AHNAK: variants seen among roughly 807,000 people sequenced by gnomAD.
The protein encoded by AHNAK is neuroblast differentiation-associated protein AHNAK.
AHNAK carries 23 observed loss-of-function variants against 37.8 expected under a neutral mutation model. That is an observed-to-expected ratio of 0.61 (90% CI 0.44 to 0.86). The LOEUF is 0.86. Among genes scored for constraint, AHNAK ranks in the 40% least tolerant of loss-of-function variants. The probability of loss-of-function intolerance (pLI) is 0.00; values close to 1 mark genes in which losing one functional copy is unlikely to be tolerated. For missense variants in AHNAK, 7,411 were observed against 7,319.4 expected, an observed-to-expected ratio of 1.01 and a Z score of -0.46; for synonymous variants, 2,481 against 2,636.3, an observed-to-expected ratio of 0.94 and a Z score of 1.80.
rs149723566 is a variant in AHNAK at position 62,483,180 on chromosome 11, C to T, written c.442+8552G>A. On this transcript the variant is annotated intron_variant, in intron 5 of 5. Coordinates refer to the AHNAK transcript ENST00000257247. ...AAGGCCCAGGGCCCAAGGGACGCTACGTGGCAACAGCATCGGGGTAGGGTG... is the reference window on the plus strand; with the variant it reads ...AAGGCCCAGGGCCCAAGGGACGCTATGTGGCAACAGCATCGGGGTAGGGTG... 3.3e-4 allele frequency among the ~76,000 whole-genome samples: 51 copies of T among 152,306 alleles called. No individual in the cohort carries two copies. In the East Asian group the frequency reaches 6.8e-3, roughly 20 times the overall value.
chr11:62,454,091 A>G (rs1246011357), intron 5 of AHNAK, among the ~76,000 whole-genome samples: 1 of 144,796 alleles, frequency 6.9e-6, no homozygotes, highest in East Asian at 2.0e-4. Flanking sequence ...TGGGCAACAG[A>G]GCGAATCTCT....
At chr11:62,478,244 C>T (rs1053349306) in intron 5 of AHNAK, among the ~76,000 whole-genome samples, 1 of 152,182 alleles carries the variant, frequency 6.6e-6, no homozygotes, top group Non-Finnish European at 1.5e-5. Flanking sequence ...AGCTAGGGCC[C>T]AGGGGCTAAG....
At position 62,490,186 on chromosome 11, in the gene AHNAK, C is replaced by CTTTTCT. The variant is rs1336344580; in HGVS notation, c.442+1540_442+1545dup. On this transcript the variant is annotated intron_variant, in intron 5 of 5. Transcript: ENST00000257247. ...TTCGGGCTTGAGGGAGGCTTTCTTT[C>CTTTTCT]TTTTCTTTTTCTTTTTTTTTTTTTT... is the stretch of plus-strand genomic sequence containing the variant. Among the ~76,000 whole-genome samples the CTTTTCT allele has an allele frequency of 8.6e-4, 123 of 142,260 alleles. 1 individual carries two copies. The highest frequency in any genetic ancestry group is 2.8e-3 in the African/African-American group (108 of 38,698). The allele number at this position is 142,260 out of a possible 152,430, so 93.3% of individuals were successfully genotyped here.
chr11:62,529,244 A>C lies in AHNAK; in HGVS notation c.5173T>G (p.Phe1725Val), dbSNP rs758756116. 1 of 1,614,204 alleles carries C rather than the reference A, an allele frequency of 6.2e-7. No individual in the cohort carries two copies. Among genetic ancestry groups the C allele is most frequent in the East Asian group, 2.2e-5 (1 of 44,886 alleles). Residue 1725 changes from phenylalanine to valine, a missense_variant, in exon 5 of 5, where the codon TTC becomes GTC. By Grantham distance (50) the Phe-to-Val change is conservative. Coordinates refer to ENST00000378024, the MANE Select transcript of AHNAK (RefSeq NM_001620.3). Reference protein sequence around the residue: ...MKMPKFSMPGFKAEGPEVDVN... With the variant: ...MKMPKFSMPGVKAEGPEVDVN... ...TCCACTTCAGGGCCCTCTGCTTTGA[A>C]GCCAGGCATACTGAACTTGGGCATT...
At chr11:62,466,469 ATTTT>A (rs67385747) in intron 5 of AHNAK, among the ~76,000 whole-genome samples, 390 of 135,754 alleles carry the variant, frequency 2.9e-3, no homozygotes, top group Middle Eastern at 7.8e-3. Context: ...TAAAGTTTTG[ATTTT>A]TTTTTTTTTT....
intron 5 of AHNAK, among the ~76,000 whole-genome samples, chr11:62,440,214 A>G (rs1055805488): frequency 3.3e-5 from 5 of 152,174 alleles, no homozygotes; most frequent in Non-Finnish European, 7.3e-5. Context: ...TCTCAAGCTC[A>G]CAGGGGCCTT....
chr11:62,500,648 G>A (rs1939695851), intron 4 of AHNAK, among the ~76,000 whole-genome samples: 1 of 152,174 alleles, frequency 6.6e-6, no homozygotes, highest in African/African-American at 2.4e-5. Flanking sequence ...CAGAAATCGA[G>A]CTATAGAACC....
At chr11:62,506,435 G>A (rs1168011352) in intron 4 of AHNAK, among the ~76,000 whole-genome samples, 1 of 152,074 alleles carries the variant, frequency 6.6e-6, no homozygotes, top group Non-Finnish European at 1.5e-5. Flanking sequence ...GCCTCGCCCT[G>A]CAGCCAAGCA....
chr11:62,449,055 G>A (rs191005319), intron 5 of AHNAK, among the ~76,000 whole-genome samples: 89 of 152,174 alleles, frequency 5.8e-4, no homozygotes, highest in African/African-American at 2.0e-3. Flanking sequence ...GTGACAGAGC[G>A]AGACTCTGTC....
intron 5 of AHNAK, among the ~76,000 whole-genome samples, chr11:62,475,651 C>G (rs1481424509): frequency 1.4e-5 from 2 of 146,454 alleles, no homozygotes; most frequent in African/African-American, 5.2e-5. Context: ...GTCACCCAGG[C>G]CAGAGTGCAG....
intron 5 of AHNAK, among the ~76,000 whole-genome samples, chr11:62,442,339 G>A (rs951914548): frequency 6.6e-6 from 1 of 152,120 alleles, no homozygotes; most frequent in African/African-American, 2.4e-5. Context: ...CTTGAGCCCA[G>A]GAGTTCAAGA....
In AHNAK at chr11:62,526,859, T is replaced by C. The variant is rs1422432149; in HGVS notation, c.7558A>G (p.Met2520Val). ...MPKMKMPKFS[M>V]PGFKAEGPEV... ...GGGCCCTCTGCTTTGAAGCCAGGCA[T>C]GCTGAACTTGGGCATTTTCATCTTG... The change falls in exon 5 of 5, where the codon ATG becomes GTG. Residue 2520 changes from methionine to valine, a missense_variant. Coordinates refer to ENST00000378024, the MANE Select transcript of AHNAK (RefSeq NM_001620.3). 1 of 1,614,032 alleles carries C rather than the reference T, an allele frequency of 6.2e-7. No homozygotes were observed. The highest frequency in any genetic ancestry group is 1.3e-5 in the African/African-American group (1 of 74,988).
Position 62,528,287 on chromosome 11 carries a change from A to C in AHNAK, c.6130T>G (p.Trp2044Gly), listed in dbSNP as rs763764843. The C allele has an allele frequency of 4.3e-6, 7 of 1,614,052 alleles. No homozygotes were observed. The highest frequency in any genetic ancestry group is 1.1e-5 in the South Asian group (1 of 91,082). ...TTCATCTTGGGCATCTTCAGGTGCC[A>C]GTCTGGGCCATGAACATCCACATCT... ...APDVDVHGPD[W>G]HLKMPKMKMP... The change falls in exon 5 of 5, where the codon TGG becomes GGG. Residue 2044 changes from tryptophan (W) to glycine (G), a missense_variant. Coordinates refer to ENST00000378024, the MANE Select transcript of AHNAK (RefSeq NM_001620.3).
chr11:62,518,817 A>G lies in AHNAK; in HGVS notation c.15600T>C (p.Asn5200=), dbSNP rs1174007230. 1.9e-6 allele frequency: 3 copies of G among 1,614,242 alleles called. 1 individual carries two copies. The South Asian group carries it at 3.3e-5, about 18-fold the overall frequency. ...SAPQVSIPDV[N]VNLKGPKIKG... ...TTATCTTTGGTCCTTTCAAGTTTAC[A>G]TTCACATCAGGGATGGAGACTTGAG... is the stretch of plus-strand genomic sequence containing the variant. Residue 5200 remains asparagine, a synonymous_variant, in exon 5 of 5, where the codon AAT becomes AAC. Transcript: ENST00000378024.
At chr11:62,491,640 C>T in intron 5 of AHNAK, 2 of 1,282,664 alleles carry the variant, frequency 1.6e-6, no homozygotes, top group Non-Finnish European at 1.1e-6. Flanking sequence ...CGTGTGGCTT[C>T]CACAGCCCAG....
At chr11:62,503,050 C>T (rs575301369) in intron 4 of AHNAK, among the ~76,000 whole-genome samples, 2 of 152,328 alleles carry the variant, frequency 1.3e-5, no homozygotes, top group South Asian at 4.1e-4. Context: ...TTCTGTCCAA[C>T]TTTTAATTCT....
At chr11:62,472,559 C>G (rs561401246) in intron 5 of AHNAK, among the ~76,000 whole-genome samples, 8 of 152,228 alleles carry the variant, frequency 5.3e-5, no homozygotes, top group African/African-American at 1.9e-4. Context: ...GAGTCATCAT[C>G]CAGCCCTCAC....
chr11:62,521,127 T>G lies in AHNAK; in HGVS notation c.13290A>C (p.Thr4430=). 1 of 1,613,830 alleles carries G rather than the reference T, an allele frequency of 6.2e-7. No individual in the cohort carries two copies. Among genetic ancestry groups the G allele is most frequent in the Non-Finnish European group, 8.5e-7 (1 of 1,179,938 alleles). ...DIKGPSLDID[T]PDVNIEGPEG... Reference sequence around the variant, plus strand: ...CCGGACCTTCAATATTGACATCAGGTGTGTCAATGTCCAAACTGGGGCCTT... The same window carrying G: ...CCGGACCTTCAATATTGACATCAGGGGTGTCAATGTCCAAACTGGGGCCTT... Residue 4430 remains threonine, a synonymous_variant, in exon 5 of 5, where the codon ACA becomes ACC. Transcript: ENST00000378024.
intron 4 of AHNAK, among the ~76,000 whole-genome samples, chr11:62,494,337 A>C (rs1450712044): frequency 6.6e-6 from 1 of 152,102 alleles, no homozygotes; most frequent in Non-Finnish European, 1.5e-5. Context: ...TATAAAATGA[A>C]ACTCAGAATA....
Sources: allele counts gnomAD v4.1 joint callset (sites outside exome capture counted in the v4.1 genomes callset), GRCh38; gene constraint gnomAD v4.1.1; transcripts MANE v1.5; gene names NCBI Gene and HGNC (gene_info 2026-07-23, HGNC 2026-07-21).